The following MYO3B variants were observed in gnomAD, a reference collection of about 807,000 sequenced individuals.
MYO3B encodes the protein myosin-IIIb.
Under a neutral mutation model 174.6 loss-of-function variants are expected in MYO3B, and 156 were observed. The ratio of observed to expected loss-of-function variants is 0.89; its 90% CI spans 0.78 to 1.02. The LOEUF (loss-of-function observed/expected upper bound fraction) is 1.02, where lower values mean the gene tolerates loss of function less well. MYO3B is among the 50% of genes least tolerant of loss of function. The pLI, the probability that MYO3B is intolerant of heterozygous loss-of-function variation, is 0.00. For synonymous variants in MYO3B, 563 were observed against 569.1 expected, an observed-to-expected ratio of 0.99 and a Z score of 0.15; for missense variants, 1,632 against 1,639.4, an observed-to-expected ratio of 1.00 and a Z score of 0.08.
chr2:170,242,683 G>A (rs537074303), intron 7 of MYO3B, among the ~76,000 whole-genome samples: 1 of 152,140 alleles, frequency 6.6e-6, no homozygotes, highest in Non-Finnish European at 1.5e-5. Context: ...TGAGTAAGAA[G>A]CTCACCCTGA....
intron 8 of MYO3B, among the ~76,000 whole-genome samples, chr2:170,353,655 G>C (rs2094096147): frequency 6.6e-6 from 1 of 152,018 alleles, no homozygotes; most frequent in Non-Finnish European, 1.5e-5. Flanking sequence ...TGCGTGTAGG[G>C]GGGCCGGGGT....
rs138696792 is a variant in MYO3B, at chr2:170,502,007, T to C, written c.3370+142T>C. The C allele has an allele frequency of 1.7e-3, 1,023 of 609,088 alleles. 3 individuals carry two copies. In the African/African-American group the frequency reaches 0.017, roughly 10 times the overall value. 37.7% of individuals were successfully genotyped at this position (609,088 alleles called of 1,614,324 possible). A position where few individuals can be genotyped will look rare whatever the true frequency, so the allele number is the denominator to read the frequency against. ...CTGGGAGACAGGAGTCCTAGTGTTC[T>C]GACCCTCCTTGTGTGATAACTATGA... is the stretch of plus-strand genomic sequence containing the variant. On this transcript the variant is annotated intron_variant, in intron 28 of 34. Transcript: ENST00000408978.
intron 25 of MYO3B, among the ~76,000 whole-genome samples, chr2:170,484,722 T>C (rs1173834120): frequency 1.3e-5 from 2 of 152,188 alleles, no homozygotes; most frequent in Non-Finnish European, 2.9e-5. Context: ...AAGGATATAA[T>C]GAATATATGG....
intron 7 of MYO3B, among the ~76,000 whole-genome samples, chr2:170,270,975 G>A (rs868148293): frequency 6.6e-6 from 1 of 152,156 alleles, no homozygotes; most frequent in Non-Finnish European, 1.5e-5. Context: ...ACACTTCACC[G>A]TTTATAAGCA....
At position 170,654,153 on chromosome 2, in the gene MYO3B, C is replaced by CTGA. The variant is rs1699162852; in HGVS notation, c.*1034_*1036dup. The CTGA allele has an allele frequency of 6.6e-6, 1 of 152,080 alleles. No homozygotes were observed. Among genetic ancestry groups the CTGA allele is most frequent in the Non-Finnish European group, 1.5e-5 (1 of 68,012 alleles). The allele number at this position is 152,080 out of a possible 1,614,324, so 9.4% of individuals were successfully genotyped here. On this transcript the variant is annotated 3_prime_UTR_variant, in exon 35 of 35. Coordinates refer to ENST00000408978, the MANE Select transcript of MYO3B (RefSeq NM_138995.5). ...CTCTGATTTTTCACTCAAGTTTGGG[C>CTGA]TGATTATATTGTAATGATGTTAGAT...
At chr2:170,394,922 G>A (rs2094435302) in intron 16 of MYO3B, among the ~76,000 whole-genome samples, 1 of 152,194 alleles carries the variant, frequency 6.6e-6, no homozygotes, top group African/African-American at 2.4e-5. Context: ...AAGTTTTTCT[G>A]GCAGACATTT....
intron 12 of MYO3B, 40 bp downstream of exon 12, chr2:170,383,854 A>T: frequency 1.3e-6 from 2 of 1,507,600 alleles, no homozygotes; most frequent in Non-Finnish European, 1.8e-6. Flanking sequence ...TCACCCAGTT[A>T]AGACATGTTG....
At chr2:170,180,068 C>T (rs1448562764) in intron 1 of MYO3B, 1 of 302,336 alleles carries the variant, frequency 3.3e-6, no homozygotes, top group Non-Finnish European at 7.2e-6. Flanking sequence ...CATGAATTTT[C>T]TAATGAGTAT....
chr2:170,605,063 C>T (rs1694732079), intron 32 of MYO3B, among the ~76,000 whole-genome samples: 1 of 152,108 alleles, frequency 6.6e-6, no homozygotes, highest in African/African-American at 2.4e-5. Flanking sequence ...CCTTTGGGTC[C>T]TACCGCTCTC....
intron 32 of MYO3B, among the ~76,000 whole-genome samples, chr2:170,579,720 C>T (rs1352593602): frequency 6.6e-6 from 1 of 152,228 alleles, no homozygotes; most frequent in Non-Finnish European, 1.5e-5. Context: ...GCCTGGGAGG[C>T]AGTGCCAGGT....
intron 32 of MYO3B, among the ~76,000 whole-genome samples, chr2:170,585,915 G>A (rs376025811): frequency 7.9e-5 from 12 of 152,126 alleles, no homozygotes; most frequent in African/African-American, 2.4e-4. Flanking sequence ...AAAGTTTGCC[G>A]GGCATGGTGG....
intron 32 of MYO3B, among the ~76,000 whole-genome samples, chr2:170,544,268 A>G (rs1690323926): frequency 1.3e-5 from 2 of 152,250 alleles, no homozygotes. Context: ...ATTAAAGGGA[A>G]GATAAACAGC....
chr2:170,583,208 A>G (rs1381641465), intron 32 of MYO3B, among the ~76,000 whole-genome samples: 7 of 151,780 alleles, frequency 4.6e-5, no homozygotes, highest in African/African-American at 1.5e-4. Flanking sequence ...GATAAAGTCT[A>G]GCTCAATATA....
At chr2:170,587,872 G>C (rs552611617) in intron 32 of MYO3B, among the ~76,000 whole-genome samples, 1 of 152,214 alleles carries the variant, frequency 6.6e-6, no homozygotes, top group Non-Finnish European at 1.5e-5. Context: ...AGCAGCTGAA[G>C]AATTTTTGGA....
intron 7 of MYO3B, among the ~76,000 whole-genome samples, chr2:170,328,376 C>CCCACAGAGT: frequency 6.6e-6 from 1 of 152,076 alleles, no homozygotes; most frequent in Non-Finnish European, 1.5e-5. Flanking sequence ...ACAGTGTGTT[C>CCCACAGAGT]TATGGAGTTT....
At chr2:170,289,507 C>CTTA (rs767775596) in intron 7 of MYO3B, among the ~76,000 whole-genome samples, 11 of 151,952 alleles carry the variant, frequency 7.2e-5, no homozygotes, top group Non-Finnish European at 2.9e-5. Flanking sequence ...TTTAGTTGTT[C>CTTA]ATAACCATCT....
chr2:170,209,033 A>T (rs1006867895), intron 3 of MYO3B, among the ~76,000 whole-genome samples: 3 of 152,220 alleles, frequency 2.0e-5, no homozygotes, highest in Non-Finnish European at 2.9e-5. Flanking sequence ...ACAGGTCAGG[A>T]ACCCTATACA....
chr2:170,307,543 T>G (rs774320740), intron 7 of MYO3B, among the ~76,000 whole-genome samples: 1 of 152,184 alleles, frequency 6.6e-6, no homozygotes, highest in African/African-American at 2.4e-5. Context: ...TCTATTTTAG[T>G]GTAGATTCCC....
chr2:170,370,828 T>C (rs941351135), intron 9 of MYO3B, among the ~76,000 whole-genome samples: 2 of 152,196 alleles, frequency 1.3e-5, no homozygotes, highest in Non-Finnish European at 2.9e-5. Context: ...TAAGACTTCA[T>C]TTGCCAAGCT....
Sources: gnomAD v4.1 joint callset for allele counts (sites outside exome capture counted in the v4.1 genomes callset) on GRCh38, gnomAD v4.1.1 for gene constraint, MANE v1.5 for transcripts, NCBI Gene and HGNC (gene_info 2026-07-23, HGNC 2026-07-21) for gene names.